Variants in SHROOM3 observed in about 807,000 individuals in gnomAD.
SHROOM3 encodes the protein protein Shroom3.
SHROOM3 carries 47 observed loss-of-function variants against 138.6 expected under a neutral mutation model. That is an observed-to-expected ratio of 0.34 (90% CI 0.27 to 0.43). The LOEUF is 0.43. Ranked by LOEUF, SHROOM3 falls within the 20% of genes least tolerant of loss-of-function variation. The probability of loss-of-function intolerance (pLI) is 1.00; values close to 1 mark genes in which losing one functional copy is unlikely to be tolerated. For missense variants in SHROOM3, 2,491 were observed against 2,596.5 expected (o/e 0.96, Z 0.88); for synonymous variants, 1,062 against 1,063.3 (o/e 1.00, Z 0.02).
At chr4:76,675,211 C>A (rs1367080800) in intron 2 of SHROOM3, among the ~76,000 whole-genome samples, 3 of 152,108 alleles carry the variant, frequency 2.0e-5, no homozygotes, top group African/African-American at 4.8e-5. Context: ...GCTCAAAGTC[C>A]AGATGCGTAT....
chr4:76,668,057 G>C (rs905424083), intron 2 of SHROOM3, among the ~76,000 whole-genome samples: 1 of 145,856 alleles, frequency 6.9e-6, no homozygotes, highest in African/African-American at 2.5e-5. Flanking sequence ...CCTCTCCCTT[G>C]TCCACCGCTG....
chr4:76,679,028 T>C (rs1193778308), intron 2 of SHROOM3, among the ~76,000 whole-genome samples: 2 of 152,242 alleles, frequency 1.3e-5, no homozygotes, highest in African/African-American at 4.8e-5. Context: ...GAAGAAATCG[T>C]TGGTGTATTT....
At chr4:76,465,791 A>C (rs1357152728) in intron 1 of SHROOM3, among the ~76,000 whole-genome samples, 1 of 152,222 alleles carries the variant, frequency 6.6e-6, no homozygotes, top group Non-Finnish European at 1.5e-5. Flanking sequence ...ATTGTTGACA[A>C]ATATAAGATT....
At chr4:76,586,599 A>C in intron 2 of SHROOM3, 3 of 453,758 alleles carry the variant, frequency 6.6e-6, no homozygotes, top group Non-Finnish European at 8.7e-6. Context: ...TTTGTGATGA[A>C]ATCACCAAGG....
In SHROOM3 at chr4:76,740,889, G is replaced by C. The variant is rs774510287; in HGVS notation, c.2716G>C (p.Asp906His). Reference protein sequence around the residue: ...SEPEREPEWRDRPGSPESPLL... With the variant: ...SEPEREPEWRHRPGSPESPLL... The stretch of plus-strand genomic sequence containing the variant: ...GCCAGAGAGGGAGCCCGAGTGGCGG[G>C]ACAGGCCCGGCTCGCCCGAATCGCC... Residue 906 changes from aspartate to histidine, a missense_variant, in exon 5 of 11, where the codon GAC becomes CAC. By Grantham distance (81) the Asp-to-His change is moderately conservative (BLOSUM62 -1). This residue lies in a region of SHROOM3 where 1,733 missense variants were observed against 1,661.6 expected (regional missense o/e 1.04). Transcript: ENST00000296043. The surrounding 1 kb of genome is among the most constrained non-coding windows in gnomAD (Gnocchi z 4.0). 2 of 1,525,756 alleles carry C rather than the reference G, an allele frequency of 1.3e-6. No individual in the cohort carries two copies. The highest frequency in any genetic ancestry group is 2.1e-5 in the Admixed American group (1 of 47,572). The allele number at this position is 1,525,756 out of a possible 1,614,324, so 94.5% of individuals were successfully genotyped here. A position where few individuals can be genotyped will look rare whatever the true frequency, so the allele number is the denominator to read the frequency against.
At chr4:76,614,025 G>A (rs1397353556) in intron 2 of SHROOM3, among the ~76,000 whole-genome samples, 1 of 132,394 alleles carries the variant, frequency 7.6e-6, no homozygotes, top group Non-Finnish European at 1.6e-5. Context: ...CCCCTTTTTC[G>A]TTTTTTGTTT....
At chr4:76,462,072 C>A (rs1731152347) in intron 1 of SHROOM3, among the ~76,000 whole-genome samples, 1 of 152,110 alleles carries the variant, frequency 6.6e-6, no homozygotes. Flanking sequence ...TCTCTACATC[C>A]CAGTGTGGAA....
At chr4:76,475,544 T>C (rs571595819) in intron 1 of SHROOM3, among the ~76,000 whole-genome samples, 19 of 152,216 alleles carry the variant, frequency 1.2e-4, no homozygotes, top group Non-Finnish European at 2.5e-4. Flanking sequence ...TTACACAATT[T>C]TTAGAAATGT....
rs1009655996 is a variant in SHROOM3, at chr4:76,711,618, G to A, written c.455+1331G>A. ...TGAGGTGGGAGGATTGCTTGAACCT[G>A]GGAGGTCGAGGCTACAGTGAGCCAT... is the stretch of plus-strand genomic sequence containing the variant. On this transcript the variant is annotated intron_variant, in intron 3 of 10. Coordinates refer to ENST00000296043, the MANE Select transcript of SHROOM3 (RefSeq NM_020859.4). Among the ~76,000 whole-genome samples, 5 of 152,216 alleles carry A rather than the reference G, an allele frequency of 3.3e-5. No homozygotes were observed. The South Asian group carries it at 8.3e-4, about 25-fold the overall frequency.
chr4:76,572,857 G>A (rs1014599028), intron 2 of SHROOM3, among the ~76,000 whole-genome samples: 16 of 152,118 alleles, frequency 1.1e-4, no homozygotes, highest in African/African-American at 3.9e-4. Flanking sequence ...AAAGCAGGTG[G>A]ATCACTTGAG....
chr4:76,610,073 G>A (rs1193090191), intron 2 of SHROOM3, among the ~76,000 whole-genome samples: 1 of 152,222 alleles, frequency 6.6e-6, no homozygotes, highest in Non-Finnish European at 1.5e-5. Context: ...CCTTCATAAA[G>A]GGTAATGAGG....
intron 1 of SHROOM3, among the ~76,000 whole-genome samples, chr4:76,554,854 C>G (rs998048290): frequency 6.6e-6 from 1 of 152,070 alleles, no homozygotes; most frequent in Non-Finnish European, 1.5e-5. Context: ...CAGCTGCTCC[C>G]CATTGCTCAC....
chr4:76,770,065 A>G (rs1451353658), intron 9 of SHROOM3, among the ~76,000 whole-genome samples: 2 of 152,148 alleles, frequency 1.3e-5, no homozygotes, highest in African/African-American at 2.4e-5. Context: ...GCTTATGCCT[A>G]TAATCCCAGC....
intron 1 of SHROOM3, among the ~76,000 whole-genome samples, chr4:76,552,112 C>T (rs1443251315): frequency 2.7e-5 from 4 of 150,264 alleles, no homozygotes; most frequent in African/African-American, 7.3e-5. Context: ...CCGCCCGCCT[C>T]GGCCCCCCTA....
chr4:76,699,264 A>G (rs893732129), intron 2 of SHROOM3, among the ~76,000 whole-genome samples: 3 of 152,216 alleles, frequency 2.0e-5, no homozygotes, highest in African/African-American at 7.2e-5. Context: ...CTTTTATTCT[A>G]CACCAATTCC....
intron 3 of SHROOM3, among the ~76,000 whole-genome samples, chr4:76,723,689 TA>T (rs1237236081): frequency 2.0e-5 from 3 of 152,246 alleles, no homozygotes; most frequent in Non-Finnish European, 4.4e-5. Flanking sequence ...CTGGGTTTAG[TA>T]GCTGTGCTGC....
At chr4:76,705,468 G>C (rs775101526) in intron 2 of SHROOM3, among the ~76,000 whole-genome samples, 1 of 152,228 alleles carries the variant, frequency 6.6e-6, no homozygotes, top group Non-Finnish European at 1.5e-5. Flanking sequence ...CTGCACTCCA[G>C]CCTGGGTGAC....
intron 9 of SHROOM3, among the ~76,000 whole-genome samples, chr4:76,765,937 TTC>T (rs1416827689): frequency 6.6e-6 from 1 of 152,218 alleles, no homozygotes; most frequent in African/African-American, 2.4e-5. Flanking sequence ...TTTTCGTTAT[TTC>T]TGTTATGACT....
chr4:76,739,868 TGAG>T lies in SHROOM3; in HGVS notation c.1701_1703del (p.Glu567del). ...TCCATTTCTGTTCAGTGCCTGAAAA[TGAG>T]GAGGATGCCTCCCTGAAGAGACATC... On this transcript the variant is annotated inframe_deletion, in exon 5 of 11. Transcript: ENST00000296043. 1 of 1,614,154 alleles carries T rather than the reference TGAG, an allele frequency of 6.2e-7. No individual in the cohort carries two copies. The highest frequency in any genetic ancestry group is 8.5e-7 in the Non-Finnish European group (1 of 1,180,032).
Sources: allele counts gnomAD v4.1 joint callset (sites outside exome capture counted in the v4.1 genomes callset), GRCh38; gene constraint gnomAD v4.1.1; regional missense constraint gnomAD v4.1.1; non-coding constraint Gnocchi (gnomAD v3.1); transcripts MANE v1.5; gene names NCBI Gene and HGNC (gene_info 2026-07-23, HGNC 2026-07-21).